Variants in LMNTD1 observed in about 807,000 individuals in gnomAD.
The protein encoded by LMNTD1 is lamin tail domain-containing protein 1.
Under a neutral mutation model 50.9 loss-of-function variants are expected in LMNTD1, and 35 were observed. The ratio of observed to expected loss-of-function variants is 0.69; its 90% CI spans 0.53 to 0.91. LMNTD1 has a LOEUF of 0.91. LMNTD1 is among the 40% of genes least tolerant of loss of function. LMNTD1 has a pLI of 0.00. For synonymous variants in LMNTD1, 153 were observed against 161.9 expected (o/e 0.94, Z 0.42); for missense variants, 470 against 475.5 (o/e 0.99, Z 0.11).
intron 4 of LMNTD1, among the ~76,000 whole-genome samples, chr12:25,538,755 C>T (rs4307794): frequency 0.66 from 48,622 of 73,246 alleles, 18,151 homozygotes; most frequent in East Asian, 0.85. Context: ...GACTAAATGC[C>T]CCAATTAAAA....
intron 1 of LMNTD1, among the ~76,000 whole-genome samples, chr12:25,621,034 T>C (rs189436813): frequency 6.6e-6 from 1 of 152,286 alleles, no homozygotes; most frequent in Non-Finnish European, 1.5e-5. Flanking sequence ...GACACTGGGC[T>C]CCTAACTACT....
intron 1 of LMNTD1, among the ~76,000 whole-genome samples, chr12:25,605,977 C>T (rs946217906): frequency 1.3e-5 from 2 of 152,118 alleles, no homozygotes; most frequent in African/African-American, 2.4e-5. Context: ...ATGGAATGTT[C>T]TTCCATTTGT....
intron 9 of LMNTD1, among the ~76,000 whole-genome samples, chr12:25,495,017 T>C (rs549248498): frequency 2.0e-5 from 3 of 152,262 alleles, no homozygotes; most frequent in East Asian, 3.9e-4. Context: ...TTATTACGAA[T>C]GTAAAACTTA....
intron 8 of LMNTD1, among the ~76,000 whole-genome samples, chr12:25,518,324 G>A (rs1436498563): frequency 2.6e-5 from 4 of 152,164 alleles, no homozygotes; most frequent in Admixed American, 6.5e-5. Context: ...CATTCACAGA[G>A]TGTGTGTTAA....
At chr12:25,600,671 C>A (rs1945947533) in intron 1 of LMNTD1, among the ~76,000 whole-genome samples, 1 of 151,948 alleles carries the variant, frequency 6.6e-6, no homozygotes, top group Non-Finnish European at 1.5e-5. Flanking sequence ...AGAAGACATA[C>A]AAATGGCAAA....
At chr12:25,488,046 C>G (rs946379543) in intron 9 of LMNTD1, among the ~76,000 whole-genome samples, 2 of 148,322 alleles carry the variant, frequency 1.3e-5, no homozygotes, top group African/African-American at 2.5e-5. Flanking sequence ...CCCGACCTTT[C>G]TCTCTGGCTG....
chr12:25,648,194 T>G (rs1042926741), intron 1 of LMNTD1, among the ~76,000 whole-genome samples: 1 of 152,224 alleles, frequency 6.6e-6, no homozygotes, highest in African/African-American at 2.4e-5. Context: ...TATGTCATTC[T>G]TGTTTATTCT....
chr12:25,611,795 C>A (rs1439168765), intron 1 of LMNTD1, among the ~76,000 whole-genome samples: 1 of 152,178 alleles, frequency 6.6e-6, no homozygotes, highest in Non-Finnish European at 1.5e-5. Context: ...CCTTAGAGAG[C>A]AATAGCAATG....
chr12:25,526,966 A>T lies in LMNTD1; in HGVS notation c.492-11T>A. 1 of 1,582,522 alleles carries T rather than the reference A, an allele frequency of 6.3e-7. No individual in the cohort carries two copies. The stretch of plus-strand genomic sequence containing the variant: ...ACATCTCCAAGAGAACTAGAAAATA[A>T]AACACAAAGATTGTAAGCTGCCTTC... On this transcript the variant is annotated splice_polypyrimidine_tract_variant and intron_variant, in intron 4 of 9. Transcript: ENST00000458174.
intron 1 of LMNTD1, among the ~76,000 whole-genome samples, chr12:25,615,793 C>T (rs556181913): frequency 2.6e-5 from 4 of 152,108 alleles, no homozygotes; most frequent in Non-Finnish European, 5.9e-5. Flanking sequence ...ATAATTAGAA[C>T]TTGAGTTGTC....
intron 4 of LMNTD1, among the ~76,000 whole-genome samples, chr12:25,527,742 ATATATG>A (rs1941917073): frequency 7.0e-6 from 1 of 143,588 alleles, no homozygotes; most frequent in African/African-American, 2.6e-5. Flanking sequence ...ATATATACAT[ATATATG>A]TATATCTATG....
chr12:25,586,808 C>G (rs77972574), intron 1 of LMNTD1, among the ~76,000 whole-genome samples: 2,952 of 152,286 alleles, frequency 0.019, 69 homozygotes, highest in African/African-American at 0.06. Context: ...TCAGTCAAGC[C>G]AATCCTAACA....
chr12:25,620,719 T>C (rs1199742322), intron 1 of LMNTD1, among the ~76,000 whole-genome samples: 1 of 152,224 alleles, frequency 6.6e-6, no homozygotes, highest in Admixed American at 6.5e-5. Flanking sequence ...CTTCAGGCAC[T>C]GGGTCCCCGC....
At chr12:25,527,352 T>G (rs932295017) in intron 4 of LMNTD1, among the ~76,000 whole-genome samples, 1 of 151,886 alleles carries the variant, frequency 6.6e-6, no homozygotes, top group African/African-American at 2.4e-5. Flanking sequence ...TGACTGAAGA[T>G]AAATAGCAAC....
intron 4 of LMNTD1, among the ~76,000 whole-genome samples, chr12:25,541,152 C>T (rs1943040338): frequency 1.3e-5 from 1 of 78,294 alleles, no homozygotes; most frequent in Admixed American, 1.5e-4. Context: ...CCATACTGCC[C>T]AAGGTAATTT....
chr12:25,520,569 T>C (rs1429189626), intron 6 of LMNTD1, among the ~76,000 whole-genome samples: 2 of 152,200 alleles, frequency 1.3e-5, no homozygotes, highest in Non-Finnish European at 2.9e-5. Context: ...TATTCCATTG[T>C]GTATAGCTAC....
chr12:25,612,302 A>G (rs935482672), intron 1 of LMNTD1, among the ~76,000 whole-genome samples: 3 of 82,574 alleles, frequency 3.6e-5, no homozygotes, highest in African/African-American at 5.8e-5. Context: ...ACACACACAC[A>G]CACACACACA....
intron 4 of LMNTD1, 90 bp from the exon 5 acceptor site, chr12:25,527,045 G>GT: frequency 1.1e-6 from 1 of 891,712 alleles, no homozygotes; most frequent in Non-Finnish European, 1.7e-6. Flanking sequence ...CTGCTTGAAA[G>GT]TTGTTCTTAA....
intron 4 of LMNTD1, among the ~76,000 whole-genome samples, chr12:25,541,265 C>G (rs1414735610): frequency 1.2e-5 from 1 of 85,396 alleles, no homozygotes; most frequent in African/African-American, 3.3e-5. Context: ...GCCCGCATCA[C>G]CAATTCAATC....
Sources: allele counts gnomAD v4.1 joint callset (sites outside exome capture counted in the v4.1 genomes callset), GRCh38; gene constraint gnomAD v4.1.1; transcripts MANE v1.5; gene names NCBI Gene and HGNC (gene_info 2026-07-23, HGNC 2026-07-21).